RELN: variants seen among roughly 807,000 people sequenced by gnomAD.
RELN encodes the protein reelin.
RELN carries 108 observed loss-of-function variants against 427.6 expected under a neutral mutation model. That is an observed-to-expected ratio of 0.25 (90% CI 0.22 to 0.30). The LOEUF (loss-of-function observed/expected upper bound fraction) is 0.30, where lower values mean the gene tolerates loss of function less well. Among genes scored for constraint, RELN ranks in the 10% least tolerant of loss-of-function variants. RELN has a pLI of 1.00. For synonymous variants in RELN, 1,524 were observed against 1,513.4 expected, an observed-to-expected ratio of 1.01 and a Z score of -0.16; for missense variants, 3,715 against 4,302.8, an observed-to-expected ratio of 0.86 and a Z score of 3.82.
chr7:103,765,049 G>A (rs552468529), intron 4 of RELN, among the ~76,000 whole-genome samples: 1 of 152,084 alleles, frequency 6.6e-6, no homozygotes, highest in South Asian at 2.1e-4. Context: ...AGATGGCAGG[G>A]TTAGGACGAA....
chr7:103,923,622 T>C (rs754961309), intron 1 of RELN, among the ~76,000 whole-genome samples: 37 of 152,156 alleles, frequency 2.4e-4, no homozygotes, highest in Non-Finnish European at 2.6e-4. Flanking sequence ...AATCAGCCTT[T>C]TGTGAGGGGT....
At chr7:103,734,889 T>A (rs1428484566) in intron 6 of RELN, among the ~76,000 whole-genome samples, 2 of 152,284 alleles carry the variant, frequency 1.3e-5, no homozygotes, top group Middle Eastern at 3.4e-3. Context: ...TAGGGTAATT[T>A]TTTTGTTTTT....
chr7:103,550,960 A>T, intron 41 of RELN, 107 bp downstream of exon 41: 1 of 880,456 alleles, frequency 1.1e-6, no homozygotes, highest in Non-Finnish European at 1.8e-6. Context: ...ACAGAGGAAG[A>T]AACGTCAGGT....
rs76010319 is a variant in RELN at position 103,768,469 on chromosome 7, G to C, written c.544+8088C>G. On this transcript the variant is annotated intron_variant, in intron 4 of 64. Coordinates refer to ENST00000428762, the MANE Select transcript of RELN (RefSeq NM_005045.4). Reference sequence around the variant, plus strand: ...AATTTTCAAAAATTTGTAATATGCTGGTACATGTATTTTACAACCAGAAAT... The same window carrying C: ...AATTTTCAAAAATTTGTAATATGCTCGTACATGTATTTTACAACCAGAAAT... Among the ~76,000 whole-genome samples the C allele has an allele frequency of 6.0e-4, 91 of 152,230 alleles. 2 individuals are homozygous for C. In the East Asian group the frequency reaches 0.016, roughly 27 times the overall value.
intron 17 of RELN, among the ~76,000 whole-genome samples, chr7:103,638,740 GA>G (rs915769568): frequency 2.0e-5 from 3 of 152,076 alleles, no homozygotes; most frequent in African/African-American, 7.2e-5. Context: ...TCAGAAGGAG[GA>G]AAAGACTATG....
At chr7:103,484,389 G>C (rs1562842432) in intron 61 of RELN, 1 of 160,794 alleles carries the variant, frequency 6.2e-6, no homozygotes, top group East Asian at 1.8e-4. Flanking sequence ...GTTGGGGATG[G>C]TCATCCTCTT....
chr7:103,508,183 A>G (rs946239485), intron 51 of RELN, among the ~76,000 whole-genome samples: 2 of 152,230 alleles, frequency 1.3e-5, no homozygotes, highest in Admixed American at 1.3e-4. Context: ...AACTCATTTT[A>G]TGAGGCCAGC....
intron 46 of RELN, among the ~76,000 whole-genome samples, chr7:103,525,370 A>G (rs1380366451): frequency 1.3e-5 from 2 of 152,158 alleles, no homozygotes; most frequent in Non-Finnish European, 2.9e-5. Context: ...ATGGTAAGTT[A>G]TAAGGAGAGC....
intron 1 of RELN, among the ~76,000 whole-genome samples, chr7:103,960,162 C>A (rs367628517): frequency 6.6e-6 from 1 of 152,162 alleles, no homozygotes; most frequent in Non-Finnish European, 1.5e-5. Context: ...TTCCCTTTCA[C>A]GCAAATCCTT....
chr7:103,777,179 A>G (rs955381710), intron 3 of RELN, among the ~76,000 whole-genome samples: 1 of 152,196 alleles, frequency 6.6e-6, no homozygotes, highest in Admixed American at 6.5e-5. Flanking sequence ...AAGGAGATGT[A>G]TATCTTTTAC....
intron 2 of RELN, among the ~76,000 whole-genome samples, chr7:103,844,225 TA>T (rs1429693841): frequency 1.3e-4 from 20 of 152,160 alleles, no homozygotes; most frequent in African/African-American, 4.6e-4. Context: ...AAAACCAAAA[TA>T]AAACTATCAC....
In RELN at chr7:103,728,196, T is replaced by A; in HGVS notation, c.668A>T (p.Asn223Ile). The A allele has an allele frequency of 6.2e-7, 1 of 1,613,774 alleles. No homozygotes were observed. Among genetic ancestry groups the A allele is most frequent in the Non-Finnish European group, 8.5e-7 (1 of 1,179,838 alleles). ...QLNPNIWVECNNCETGEQCGA... is the reference protein window; with the variant it reads ...QLNPNIWVECINCETGEQCGA... ...ACACTGTTCTCCAGTCTCACAGTTG[T>A]TACATTCAACCCTGCAGGAAAACAG... Residue 223 changes from asparagine to isoleucine, a missense_variant, in exon 7 of 65, where the codon AAC becomes ATC. Physicochemically the swap from Asn to Ile is moderately radical, Grantham distance 149 (BLOSUM62 -3). Coordinates refer to ENST00000428762, the MANE Select transcript of RELN (RefSeq NM_005045.4).
intron 34 of RELN, among the ~76,000 whole-genome samples, chr7:103,562,778 T>C (rs533714667): frequency 2.6e-5 from 4 of 152,342 alleles, no homozygotes; most frequent in Non-Finnish European, 4.4e-5. Context: ...CATGGAAACC[T>C]AATCACAGCA....
chr7:103,503,038 G>A lies in RELN; in HGVS notation c.8467C>T (p.Leu2823Phe), dbSNP rs779243944. 5 of 1,614,106 alleles carry A rather than the reference G, an allele frequency of 3.1e-6. No homozygotes were observed. Among genetic ancestry groups the A allele is most frequent in the Middle Eastern group, 1.6e-4 (1 of 6,062 alleles). Residue 2823 changes from leucine (L) to phenylalanine (F), a missense_variant, in exon 52 of 65, where the codon CTT becomes TTT. Transcript: ENST00000428762. The part of the protein sequence containing the change: ...TKGWKRITYP[L>F]PESLVGNPVR... Reference sequence around the variant, plus strand: ...TACTTTCCCACTAAGCTTTCAGGAAGTGGGTAGGTGATCCTTTTCCACCCT... The same window carrying A: ...TACTTTCCCACTAAGCTTTCAGGAAATGGGTAGGTGATCCTTTTCCACCCT...
chr7:103,753,099 A>G (rs1414663034), intron 5 of RELN, 83 bp downstream of exon 5: 10 of 1,374,744 alleles, frequency 7.3e-6, no homozygotes, highest in African/African-American at 1.4e-5. Flanking sequence ...CCTTGCCTCT[A>G]TAACATCTGC....
chr7:103,789,576 G>A (rs1428021634), intron 3 of RELN, among the ~76,000 whole-genome samples: 1 of 152,086 alleles, frequency 6.6e-6, no homozygotes, highest in African/African-American at 2.4e-5. Context: ...ACAAACATAT[G>A]AAAAAAAGCT....
At chr7:103,918,687 T>C (rs1373214016) in intron 1 of RELN, among the ~76,000 whole-genome samples, 1 of 152,138 alleles carries the variant, frequency 6.6e-6, no homozygotes, top group African/African-American at 2.4e-5. Flanking sequence ...TAGTGCAAGG[T>C]TGTTTTATCT....
intron 1 of RELN, among the ~76,000 whole-genome samples, chr7:103,977,904 G>T (rs555967294): frequency 6.6e-6 from 1 of 151,912 alleles, no homozygotes; most frequent in African/African-American, 2.4e-5. Context: ...AATTTTCCAA[G>T]GTAAATAAAA....
At chr7:103,478,269 T>G (rs1008668136) in intron 64 of RELN, 120 bp downstream of exon 64, 1 of 628,442 alleles carries the variant, frequency 1.6e-6, no homozygotes. Flanking sequence ...TATTACTGTT[T>G]TCATAGATTT....
Sources: gnomAD v4.1 joint callset for allele counts (sites outside exome capture counted in the v4.1 genomes callset) on GRCh38, gnomAD v4.1.1 for gene constraint, MANE v1.5 for transcripts, NCBI Gene and HGNC (gene_info 2026-07-23, HGNC 2026-07-21) for gene names.